Variants in INTS4 observed in about 807,000 individuals in gnomAD.
INTS4 encodes the protein MSTP093.
Under a neutral mutation model 119.5 loss-of-function variants are expected in INTS4, and 70 were observed. The ratio of observed to expected loss-of-function variants is 0.59; its 90% CI spans 0.48 to 0.71. INTS4 has a LOEUF of 0.71. Ranked by LOEUF, INTS4 falls within the 30% of genes least tolerant of loss-of-function variation. The probability of loss-of-function intolerance (pLI) is 0.00; values close to 1 mark genes in which losing one functional copy is unlikely to be tolerated. For synonymous variants in INTS4, 316 were observed against 419.6 expected, an observed-to-expected ratio of 0.75 and a Z score of 3.02; for missense variants, 867 against 1,173.2, an observed-to-expected ratio of 0.74 and a Z score of 3.81.
intron 21 of INTS4, chr11:77,884,702 A>G: frequency 3.9e-6 from 1 of 255,600 alleles, no homozygotes; most frequent in Non-Finnish European, 8.5e-6. Flanking sequence ...TTGCCCTATA[A>G]TCCTTCATCT....
At chr11:77,945,423 G>A (rs189942478) in intron 8 of INTS4, among the ~76,000 whole-genome samples, 383 of 152,270 alleles carry the variant, frequency 2.5e-3, no homozygotes, top group African/African-American at 9.0e-3. Flanking sequence ...CTGGGGACCA[G>A]TAGCAACTGA....
intron 2 of INTS4, among the ~76,000 whole-genome samples, chr11:77,990,412 G>A (rs887739436): frequency 6.6e-6 from 1 of 151,682 alleles, no homozygotes; most frequent in Non-Finnish European, 1.5e-5. Context: ...TTGGCCAGAC[G>A]CAGTGGCTCA....
intron 15 of INTS4, among the ~76,000 whole-genome samples, chr11:77,917,106 T>C (rs1408308056): frequency 6.6e-6 from 1 of 152,086 alleles, no homozygotes; most frequent in Non-Finnish European, 1.5e-5. Flanking sequence ...TAAGTCTTTG[T>C]CTATATCCAT....
intron 4 of INTS4, among the ~76,000 whole-genome samples, chr11:77,974,879 C>T (rs1037471083): frequency 7.2e-5 from 11 of 152,166 alleles, no homozygotes; most frequent in African/African-American, 2.7e-4. Context: ...GGATTACAGA[C>T]ATAAGCCACC....
chr11:77,928,223 G>A lies in INTS4; in HGVS notation c.1371+119C>T, dbSNP rs370558585. 476 of 1,020,664 alleles carry A rather than the reference G, an allele frequency of 4.7e-4. 4 individuals are homozygous for A. The highest frequency in any genetic ancestry group is 2.2e-3 in the East Asian group (85 of 38,844). The allele number at this position is 1,020,664 out of a possible 1,614,324, so 63.2% of individuals were successfully genotyped here. On this transcript the variant is annotated intron_variant, in intron 11 of 22. Coordinates refer to ENST00000534064, the MANE Select transcript of INTS4 (RefSeq NM_033547.4). Reference sequence around the variant, plus strand: ...TTCCATCTTAGGGAAGGGGTATGGTGAGAAAACAGAACTGTGCTCCCTGAT... The same window carrying A: ...TTCCATCTTAGGGAAGGGGTATGGTAAGAAAACAGAACTGTGCTCCCTGAT...
At chr11:77,946,633 C>A (rs867140157) in intron 8 of INTS4, among the ~76,000 whole-genome samples, 1 of 151,800 alleles carries the variant, frequency 6.6e-6, no homozygotes, top group Non-Finnish European at 1.5e-5. Context: ...TGGTGGCATG[C>A]GCCTGTAGTC....
intron 10 of INTS4, among the ~76,000 whole-genome samples, chr11:77,930,816 TA>T (rs34885173): frequency 0.74 from 112,673 of 151,648 alleles, 42,354 homozygotes; most frequent in African/African-American, 0.85. Context: ...CCCATCTCTA[TA>T]AAAAAAAGTT....
chr11:77,891,945 G>T, intron 19 of INTS4, 105 bp from the exon 20 acceptor site: 1 of 1,560,594 alleles, frequency 6.4e-7, no homozygotes, highest in South Asian at 1.2e-5. Context: ...GAATGATGAA[G>T]TGAGAGGAGC....
intron 15 of INTS4, among the ~76,000 whole-genome samples, chr11:77,913,106 AC>A (rs1354100511): frequency 6.6e-6 from 1 of 152,188 alleles, no homozygotes; most frequent in Non-Finnish European, 1.5e-5. Context: ...TGGACTTAAC[AC>A]AAAAATGTAA....
chr11:77,935,525 G>A (rs1479429012), intron 10 of INTS4, among the ~76,000 whole-genome samples: 2 of 152,226 alleles, frequency 1.3e-5, no homozygotes, highest in East Asian at 3.9e-4. Flanking sequence ...CTGAGGCCTG[G>A]AAAAGAACCA....
chr11:77,883,830 AC>A lies in INTS4; in HGVS notation c.2713+1del. ...CTTCCCACCCTGGTCCTGACTCCTT[AC>A]CTGTCCAAGCGGTGTGGGAGAGATA... is the stretch of plus-strand genomic sequence containing the variant. On this transcript the variant is annotated splice_donor_variant, in intron 22 of 22. Coordinates refer to ENST00000534064, the MANE Select transcript of INTS4 (RefSeq NM_033547.4). LOFTEE classifies it high-confidence loss of function. 1 of 1,612,794 alleles carries A rather than the reference AC, an allele frequency of 6.2e-7. No homozygotes were observed. The highest frequency in any genetic ancestry group is 8.5e-7 in the Non-Finnish European group (1 of 1,179,484).
At chr11:77,933,381 T>C (rs984424398) in intron 10 of INTS4, among the ~76,000 whole-genome samples, 2 of 93,806 alleles carry the variant, frequency 2.1e-5, no homozygotes, top group African/African-American at 8.7e-5. Flanking sequence ...CGCCGCCACG[T>C]CTGACTGGTT....
chr11:77,906,409 T>C (rs974992893), intron 16 of INTS4, among the ~76,000 whole-genome samples: 1 of 152,212 alleles, frequency 6.6e-6, no homozygotes, highest in African/African-American at 2.4e-5. Flanking sequence ...CCAACAATTA[T>C]GTGTTCTTTT....
At chr11:77,918,690 C>A (rs556953250) in intron 15 of INTS4, 131 bp downstream of exon 15, 3 of 1,248,150 alleles carry the variant, frequency 2.4e-6, no homozygotes, top group Non-Finnish European at 3.3e-6. Flanking sequence ...TATAAACAGA[C>A]CATAAAACCG....
intron 18 of INTS4, among the ~76,000 whole-genome samples, chr11:77,897,625 C>A (rs973637314): frequency 6.7e-6 from 1 of 149,650 alleles, no homozygotes; most frequent in Admixed American, 6.6e-5. Context: ...CTCAGCCTCC[C>A]GAGTAGCTGG....
chr11:77,933,905 CA>C (rs1223000357), intron 10 of INTS4, among the ~76,000 whole-genome samples: 1 of 152,108 alleles, frequency 6.6e-6, no homozygotes, highest in Admixed American at 6.5e-5. Context: ...CCCAGCAGCT[CA>C]TTGAGAGCGG....
chr11:77,891,308 A>G lies in INTS4; in HGVS notation c.2592+11T>C, dbSNP rs1181132237. On this transcript the variant is annotated intron_variant, in intron 21 of 22. Coordinates refer to ENST00000534064, the MANE Select transcript of INTS4 (RefSeq NM_033547.4). ...GTCTAGAAGCTCCATGAGGACCCAA[A>G]CCCGACAGACCTGGACCTTAACAGT... The G allele has an allele frequency of 1.2e-6, 2 of 1,608,428 alleles. No homozygotes were observed. The highest frequency in any genetic ancestry group is 1.7e-6 in the Non-Finnish European group (2 of 1,178,026).
At chr11:77,976,103 A>G (rs1156592344) in intron 4 of INTS4, among the ~76,000 whole-genome samples, 5 of 147,672 alleles carry the variant, frequency 3.4e-5, no homozygotes, top group African/African-American at 1.3e-4. Flanking sequence ...AAACCTCATT[A>G]GTCTTTTCAA....
intron 4 of INTS4, among the ~76,000 whole-genome samples, chr11:77,973,064 G>C (rs535811939): frequency 2.7e-4 from 41 of 151,994 alleles, no homozygotes; most frequent in Non-Finnish European, 5.1e-4. Flanking sequence ...CTGGTCTCCA[G>C]TTCCTAAGCT....
Sources: allele counts gnomAD v4.1 joint callset (sites outside exome capture counted in the v4.1 genomes callset), GRCh38; gene constraint gnomAD v4.1.1; transcripts MANE v1.5; gene names NCBI Gene and HGNC (gene_info 2026-07-23, HGNC 2026-07-21).